DYNC2H1: variants seen among roughly 807,000 people sequenced by gnomAD.
DYNC2H1 encodes cytoplasmic dynein 2 heavy chain 1.
In DYNC2H1, 410 loss-of-function variants were observed where a neutral mutation model predicts 570.0. The ratio of observed to expected loss-of-function variants is 0.72; its 90% confidence interval spans 0.66 to 0.78. The LOEUF is 0.78. Ranked by LOEUF, DYNC2H1 falls within the 30% of genes least tolerant of loss-of-function variation. DYNC2H1 has a pLI of 0.00. For missense variants in DYNC2H1, 4,865 were observed against 5,046.4 expected (o/e 0.96, Z 1.09); for synonymous variants, 1,688 against 1,677.6 (o/e 1.01, Z -0.15).
intron 28 of DYNC2H1, among the ~76,000 whole-genome samples, chr11:103,160,438 T>C (rs1279159180): frequency 2.0e-5 from 3 of 152,040 alleles, no homozygotes; most frequent in Non-Finnish European, 2.9e-5. Context: ...AAACACCTAG[T>C]TTTGGAATTG....
At position 103,369,729 on chromosome 11, in the gene DYNC2H1, T is replaced by C. The variant is rs2135551352; in HGVS notation, c.12156+11370T>C. Reference sequence around the variant, plus strand: ...CTCACTGCATCAGAAAGCAACCTGCTGCCTTGAAGGGAAGTACCCAATCCT... The same window carrying C: ...CTCACTGCATCAGAAAGCAACCTGCCGCCTTGAAGGGAAGTACCCAATCCT... On this transcript the variant is annotated intron_variant, in intron 83 of 88. Coordinates refer to ENST00000375735, the MANE Select transcript of DYNC2H1 (RefSeq NM_001377.3). This position sits in a 1 kb window ranked among gnomAD's most constrained non-coding sequence, Gnocchi z 4.0. Among the ~76,000 whole-genome samples the C allele has an allele frequency of 6.6e-6, 1 of 152,320 alleles. No homozygotes were observed. Among genetic ancestry groups the C allele is most frequent in the East Asian group, 1.9e-4 (1 of 5,180 alleles).
chr11:103,422,909 A>G (rs909788863), intron 84 of DYNC2H1, among the ~76,000 whole-genome samples: 2 of 152,204 alleles, frequency 1.3e-5, no homozygotes, highest in Admixed American at 6.5e-5. Flanking sequence ...TTTTGTTTGC[A>G]GATGACATGA....
At chr11:103,134,201 T>G in intron 14 of DYNC2H1, 120 bp from the exon 15 acceptor site, 1 of 794,920 alleles carries the variant, frequency 1.3e-6, no homozygotes, top group East Asian at 2.7e-5. Flanking sequence ...TTGATATGTC[T>G]TGTATAGATT....
At chr11:103,315,270 G>A (rs905832639) in intron 79 of DYNC2H1, among the ~76,000 whole-genome samples, 1 of 151,984 alleles carries the variant, frequency 6.6e-6, no homozygotes, top group African/African-American at 2.4e-5. Flanking sequence ...CTTCCCAAGT[G>A]CACAGATATT....
At chr11:103,114,828 G>A (rs1175824261) in intron 3 of DYNC2H1, among the ~76,000 whole-genome samples, 2 of 152,070 alleles carry the variant, frequency 1.3e-5, no homozygotes, top group East Asian at 3.9e-4. Flanking sequence ...TGTAACTCAT[G>A]CCTGAATGAA....
intron 23 of DYNC2H1, 25 bp downstream of exon 23, chr11:103,154,631 A>T (rs892987285): frequency 3.2e-6 from 5 of 1,581,170 alleles, no homozygotes; most frequent in Non-Finnish European, 3.4e-6. Flanking sequence ...CAATATTTAG[A>T]CTAATAATTT....
At chr11:103,341,985 T>TA (rs918056918) in intron 82 of DYNC2H1, among the ~76,000 whole-genome samples, 9 of 152,064 alleles carry the variant, frequency 5.9e-5, no homozygotes, top group Non-Finnish European at 1.0e-4. Flanking sequence ...TACAAAAAAT[T>TA]AAAAAACTAG....
chr11:103,390,794 ATTCTT>A (rs1463696632), intron 83 of DYNC2H1, among the ~76,000 whole-genome samples: 2 of 152,156 alleles, frequency 1.3e-5, no homozygotes, highest in Non-Finnish European at 2.9e-5. Flanking sequence ...TGGGTTGAAA[ATTCTT>A]TTCTTAAGAA....
chr11:103,159,674 ATACT>A (rs1305762014), intron 28 of DYNC2H1, among the ~76,000 whole-genome samples: 1 of 152,162 alleles, frequency 6.6e-6, no homozygotes, highest in Non-Finnish European at 1.5e-5. Flanking sequence ...TTTTCTTAAA[ATACT>A]TAATTTACTT....
rs370812552 is a variant in DYNC2H1, at chr11:103,287,100, C to G, written c.11023-433C>G. Among the ~76,000 whole-genome samples, 4 of 152,074 alleles carry G rather than the reference C, an allele frequency of 2.6e-5. No individual in the cohort carries two copies. In the East Asian group the frequency reaches 7.7e-4, roughly 29 times the overall value. ...GAGGCAGCAGTGAGATGTGATTGCA[C>G]CACTGCACTCCAGCCTGGGTGACAG... On this transcript the variant is annotated intron_variant, in intron 74 of 88. Transcript: ENST00000375735.
At chr11:103,432,090 T>G (rs189904990) in intron 84 of DYNC2H1, among the ~76,000 whole-genome samples, 48 of 152,222 alleles carry the variant, frequency 3.2e-4, no homozygotes, top group African/African-American at 1.2e-3. Flanking sequence ...AAGTTGGCTT[T>G]GGGAGGTGTT....
At position 103,135,962 on chromosome 11, in the gene DYNC2H1, A is replaced by AC; in HGVS notation, c.2574+14_2574+15insC. Reference sequence around the variant, plus strand: ...CACCAACATAAGGTATAGAACATGTAATGTTCCATCCTTCCATCATAAAAT... The same window carrying AC: ...CACCAACATAAGGTATAGAACATGTACATGTTCCATCCTTCCATCATAAAAT... On this transcript the variant is annotated intron_variant, in intron 17 of 88. Coordinates refer to ENST00000375735, the MANE Select transcript of DYNC2H1 (RefSeq NM_001377.3). 1.3e-6 allele frequency: 2 copies of AC among 1,525,038 alleles called. No homozygotes were observed. The highest frequency in any genetic ancestry group is 1.8e-6 in the Non-Finnish European group (2 of 1,127,908). The allele number at this position is 1,525,038 out of a possible 1,614,324, so 94.5% of individuals were successfully genotyped here.
At chr11:103,422,831 A>G (rs485082) in intron 84 of DYNC2H1, among the ~76,000 whole-genome samples, 85,163 of 151,940 alleles carry the variant, frequency 0.56, 24,601 homozygotes, top group East Asian at 0.72. Context: ...TGAAAGTTCT[A>G]GCCAGGGCAA....
rs1483389948 is a variant in DYNC2H1, at chr11:103,157,689, GTATAA to G, written c.4127+925_4127+929del. Among the ~76,000 whole-genome samples, 10 of 152,148 alleles carry G rather than the reference GTATAA, an allele frequency of 6.6e-5. No homozygotes were observed. The highest frequency in any genetic ancestry group is 2.2e-4 in the African/African-American group (9 of 41,434). On this transcript the variant is annotated intron_variant, in intron 26 of 88. Transcript: ENST00000375735. This position sits in a 1 kb window ranked among gnomAD's most constrained non-coding sequence, Gnocchi z 4.2. ...CACATTAACCTTCTGACTTGCTCTT[GTATAA>G]TATAAGTTTTTCACACAACAGCCAG...
intron 75 of DYNC2H1, among the ~76,000 whole-genome samples, chr11:103,302,872 A>G (rs1297620478): frequency 6.6e-6 from 1 of 152,042 alleles, no homozygotes; most frequent in Non-Finnish European, 1.5e-5. Context: ...TAAGAAGATG[A>G]TATCATACGT....
rs1012182516 is a variant in DYNC2H1 at position 103,157,662 on chromosome 11, C to A, written c.4127+892C>A. Among the ~76,000 whole-genome samples the A allele has an allele frequency of 6.6e-6, 1 of 152,216 alleles. No individual in the cohort carries two copies. The highest frequency in any genetic ancestry group is 6.5e-5 in the Admixed American group (1 of 15,268). On this transcript the variant is annotated intron_variant, in intron 26 of 88. Transcript: ENST00000375735. The surrounding 1 kb of genome is among the most constrained non-coding windows in gnomAD (Gnocchi z 4.2). ...TGTTCTGTATCTCTTACTTGGACTA[C>A]GCACATTAACCTTCTGACTTGCTCT...
chr11:103,232,022 A>G (rs761319541), intron 60 of DYNC2H1, among the ~76,000 whole-genome samples: 1 of 152,038 alleles, frequency 6.6e-6, no homozygotes, highest in Non-Finnish European at 1.5e-5. Context: ...CAATTATGTT[A>G]GAAATATAGG....
intron 6 of DYNC2H1, among the ~76,000 whole-genome samples, chr11:103,119,719 A>G (rs1858602642): frequency 6.6e-6 from 1 of 152,188 alleles, no homozygotes; most frequent in Admixed American, 6.5e-5. Flanking sequence ...TATGTCTCAT[A>G]CCTAGAATTA....
chr11:103,379,815 C>T (rs1941561625), intron 83 of DYNC2H1, among the ~76,000 whole-genome samples: 1 of 152,208 alleles, frequency 6.6e-6, no homozygotes, highest in South Asian at 2.1e-4. Flanking sequence ...AATGCTCCAG[C>T]ATGCTCCAGA....
Sources: allele counts gnomAD v4.1 joint callset (sites outside exome capture counted in the v4.1 genomes callset), GRCh38; gene constraint gnomAD v4.1.1; non-coding constraint Gnocchi (gnomAD v3.1); transcripts MANE v1.5; gene names NCBI Gene and HGNC (gene_info 2026-07-23, HGNC 2026-07-21).